Variants in COL24A1 observed in about 807,000 individuals in gnomAD.
COL24A1 encodes collagen type XXIV alpha 1 chain, also known as collagen alpha-1(XXIV) chain.
Under a neutral mutation model 253.9 loss-of-function variants are expected in COL24A1, and 224 were observed. The ratio of observed to expected loss-of-function variants is 0.88; its 90% CI spans 0.79 to 0.99. The LOEUF (loss-of-function observed/expected upper bound fraction) is 0.99. Among genes scored for constraint, COL24A1 ranks in the 50% least tolerant of loss-of-function variants. The pLI is 0.00. For missense variants in COL24A1, 2,131 were observed against 2,068.5 expected, an observed-to-expected ratio of 1.03 and a Z score of -0.59; for synonymous variants, 685 against 673.7, an observed-to-expected ratio of 1.02 and a Z score of -0.26.
Position 85,744,739 on chromosome 1 carries a change from A to G in COL24A1, c.4599T>C (p.Asn1533=), listed in dbSNP as rs1182520061. 4 of 1,601,020 alleles carry G rather than the reference A, an allele frequency of 2.5e-6. No homozygotes were observed. The highest frequency in any genetic ancestry group is 8.5e-7 in the Non-Finnish European group (1 of 1,175,280). ...CTGGGTTATCTCGTGTGCCAAGAGG[A>G]TTCTTGATGCTGTGCAATAAATTGC... ...YLSNLLHSIK[N]PLGTRDNPAR... The change falls in exon 57 of 60, where the codon AAT becomes AAC. Residue 1533 remains asparagine, a synonymous_variant. Transcript: ENST00000370571.
chr1:86,156,804 A>C, upstream of COL24A1: 2 of 147,638 alleles, frequency 1.4e-5, no homozygotes, highest in East Asian at 2.1e-4. Context: ...GGGAGGAGAA[A>C]GGGGTGGGGG....
At chr1:85,775,818 T>C in intron 52 of COL24A1, 109 bp from the exon 53 acceptor site, 1 of 870,680 alleles carries the variant, frequency 1.1e-6, no homozygotes, top group Non-Finnish European at 1.8e-6. Flanking sequence ...TTGCTTTTTC[T>C]ATATAGTAAG....
chr1:86,102,351 G>T (rs955177902), intron 5 of COL24A1, among the ~76,000 whole-genome samples: 8 of 151,854 alleles, frequency 5.3e-5, no homozygotes, highest in Non-Finnish European at 5.9e-5. Flanking sequence ...AGGATTTGTT[G>T]ATCTTTGAAT....
In COL24A1 at chr1:86,032,307, AC is replaced by A. The variant is rs547045430; in HGVS notation, c.2005-386del. Reference sequence around the variant, plus strand: ...CGTAGGGTTAGAAAAACATTTTCAGACGGTTTAAAACACTATGGACTCTTTT... The same window carrying A: ...CGTAGGGTTAGAAAAACATTTTCAGAGGTTTAAAACACTATGGACTCTTTT... On this transcript the variant is annotated intron_variant, in intron 13 of 59. Coordinates refer to ENST00000370571, the MANE Select transcript of COL24A1 (RefSeq NM_152890.7). 1.6e-3 allele frequency among the ~76,000 whole-genome samples: 247 copies of A among 152,300 alleles called. 1 individual carries two copies. Among genetic ancestry groups the A allele is most frequent in the African/African-American group, 5.6e-3 (233 of 41,576 alleles).
At chr1:85,825,929 T>C (rs1674261285) in intron 43 of COL24A1, among the ~76,000 whole-genome samples, 1 of 83,738 alleles carries the variant, frequency 1.2e-5, no homozygotes, top group Non-Finnish European at 2.7e-5. Flanking sequence ...TTTAGTTTAA[T>C]TAGATCCCAT....
chr1:86,098,276 A>G (rs548898917), intron 5 of COL24A1, among the ~76,000 whole-genome samples: 1 of 152,266 alleles, frequency 6.6e-6, no homozygotes, highest in East Asian at 1.9e-4. Context: ...ATTAAAAGAA[A>G]GAAGGAAAAA....
chr1:86,144,130 T>C (rs1349088241), intron 2 of COL24A1, among the ~76,000 whole-genome samples: 2 of 152,076 alleles, frequency 1.3e-5, no homozygotes, highest in African/African-American at 4.8e-5. Flanking sequence ...AAAGGACTTT[T>C]CTTTTTGTTA....
chr1:85,829,198 G>T (rs558868310), intron 43 of COL24A1, among the ~76,000 whole-genome samples: 2 of 151,242 alleles, frequency 1.3e-5, no homozygotes, highest in East Asian at 3.9e-4. Flanking sequence ...AGTTTGGCTG[G>T]ATATGAAATT....
At chr1:85,732,238 T>TC (rs890196400) in intron 59 of COL24A1, among the ~76,000 whole-genome samples, 2 of 150,576 alleles carry the variant, frequency 1.3e-5, no homozygotes, top group Non-Finnish European at 1.5e-5. Flanking sequence ...TCTTTTCTTT[T>TC]TTTTTTTTTT....
intron 53 of COL24A1, among the ~76,000 whole-genome samples, chr1:85,769,363 T>G (rs575286403): frequency 1.3e-5 from 2 of 152,142 alleles, no homozygotes; most frequent in East Asian, 3.9e-4. Context: ...ATAAGGCGTC[T>G]CAGGAAGGTG....
rs1466398282 is a variant in COL24A1 at position 86,130,218 on chromosome 1, C to A, written c.122-4004G>T. On this transcript the variant is annotated intron_variant, in intron 2 of 59. Coordinates refer to ENST00000370571, the MANE Select transcript of COL24A1 (RefSeq NM_152890.7). ...TTTTTGTTTACATTTGTCTGATATACCTTTGCCTTTGTTTTTGTTTTCATC... is the reference window on the plus strand; with the variant it reads ...TTTTTGTTTACATTTGTCTGATATAACTTTGCCTTTGTTTTTGTTTTCATC... Among the ~76,000 whole-genome samples the A allele has an allele frequency of 2.6e-5, 4 of 151,904 alleles. No individual in the cohort carries two copies. The South Asian group carries it at 8.3e-4, about 32-fold the overall frequency.
At chr1:85,879,387 C>A (rs926674357) in intron 32 of COL24A1, among the ~76,000 whole-genome samples, 1 of 152,088 alleles carries the variant, frequency 6.6e-6, no homozygotes, top group Non-Finnish European at 1.5e-5. Flanking sequence ...TCCTTTGTCA[C>A]AGATCACTTG....
chr1:85,847,907 C>G, intron 38 of COL24A1, 135 bp from the exon 39 acceptor site: 1 of 473,070 alleles, frequency 2.1e-6, no homozygotes, highest in Non-Finnish European at 3.7e-6. Flanking sequence ...ACAACAATAA[C>G]ATACCATCAC....
At chr1:85,734,395 G>A (rs1456608010) in intron 59 of COL24A1, among the ~76,000 whole-genome samples, 3 of 152,126 alleles carry the variant, frequency 2.0e-5, no homozygotes, top group Admixed American at 2.0e-4. Context: ...GAAAACACAT[G>A]AAAATATTTA....
intron 35 of COL24A1, among the ~76,000 whole-genome samples, chr1:85,873,680 G>T (rs188549664): frequency 6.6e-6 from 1 of 152,130 alleles, no homozygotes; most frequent in Non-Finnish European, 1.5e-5. Flanking sequence ...ACACACTGTC[G>T]TGGGGTAGGG....
chr1:85,852,335 C>G (rs1677869923), intron 37 of COL24A1, among the ~76,000 whole-genome samples: 1 of 152,146 alleles, frequency 6.6e-6, no homozygotes, highest in Admixed American at 6.5e-5. Context: ...CACTAACTAA[C>G]TTAATTACTC....
intron 37 of COL24A1, among the ~76,000 whole-genome samples, chr1:85,865,790 G>A (rs1679724646): frequency 6.6e-6 from 1 of 152,062 alleles, no homozygotes. Flanking sequence ...GAATGATCAG[G>A]AAGATAATCA....
chr1:85,775,550 A>AT (rs1028653032), intron 53 of COL24A1, 124 bp downstream of exon 53: 2 of 790,838 alleles, frequency 2.5e-6, no homozygotes, highest in Non-Finnish European at 2.0e-6. Context: ...GACAACTGCA[A>AT]TTTTATTTTT....
rs749464321 is a variant in COL24A1 at position 85,744,665 on chromosome 1, C to T, written c.4672+1G>A. 6.2e-7 allele frequency: 1 copy of T among 1,600,066 alleles called. No individual in the cohort carries two copies. The highest frequency in any genetic ancestry group is 1.4e-5 in the African/African-American group (1 of 73,792). On this transcript the variant is annotated splice_donor_variant, in intron 57 of 59. Coordinates refer to ENST00000370571, the MANE Select transcript of COL24A1 (RefSeq NM_152890.7). LOFTEE classifies it high-confidence loss of function. ...AGAGTTTGAGGTAACCAAGAACTTA[C>T]CATCTGATACTTTTTGTTCACAGTT...
Sources: allele counts gnomAD v4.1 joint callset (sites outside exome capture counted in the v4.1 genomes callset), GRCh38; gene constraint gnomAD v4.1.1; transcripts MANE v1.5; gene names NCBI Gene and HGNC (gene_info 2026-07-23, HGNC 2026-07-21).